Variants in PCDHGB5 observed in about 807,000 individuals in gnomAD.
PCDHGB5 encodes the protein protocadherin gamma-B5.
A neutral mutation model predicts 62.9 loss-of-function variants in PCDHGB5; 48 were observed. The observed-to-expected ratio is 0.76, with a 90% CI of 0.61 to 0.97. The LOEUF is 0.97. PCDHGB5 is among the 50% of genes least tolerant of loss of function. PCDHGB5 has a pLI of 0.00. For synonymous variants in PCDHGB5, 474 were observed against 511.2 expected (o/e 0.93, Z 0.98); for missense variants, 1,118 against 1,198.6 (o/e 0.93, Z 0.99).
At chr5:141,424,668 A>G (rs1561816018) in intron 1 of PCDHGB5, 1 of 152,196 alleles carries the variant, frequency 6.6e-6, no homozygotes, top group Non-Finnish European at 1.5e-5. Flanking sequence ...AATTAAACTG[A>G]TTTAGCTAGT....
intron 1 of PCDHGB5, among the ~76,000 whole-genome samples, chr5:141,494,218 T>C (rs1224329242): frequency 1.3e-5 from 2 of 152,222 alleles, no homozygotes; most frequent in South Asian, 2.1e-4. Context: ...CAATCTGGCA[T>C]GACTCCTAAA....
At chr5:141,475,813 T>C in intron 1 of PCDHGB5, 1 of 334,788 alleles carries the variant, frequency 3.0e-6, no homozygotes, top group East Asian at 5.5e-5. Flanking sequence ...GAAAGTGAAG[T>C]TCCTGGCGCT....
chr5:141,413,122 G>A, intron 1 of PCDHGB5: 1 of 1,525,890 alleles, frequency 6.6e-7, no homozygotes. Flanking sequence ...GGAACCGGTT[G>A]AAACACACAA....
chr5:141,470,147 T>A (rs1394329530), intron 1 of PCDHGB5, among the ~76,000 whole-genome samples: 1 of 152,172 alleles, frequency 6.6e-6, no homozygotes. Context: ...AGATCATAGA[T>A]CATCTTATCA....
At position 141,490,328 on chromosome 5, in the gene PCDHGB5, C is replaced by T; in HGVS notation, c.2398-4479C>T. 2 of 1,614,228 alleles carry T rather than the reference C, an allele frequency of 1.2e-6. No homozygotes were observed. Among genetic ancestry groups the T allele is most frequent in the Non-Finnish European group, 1.7e-6 (2 of 1,180,048 alleles). Reference sequence around the variant, plus strand: ...TTGGCCAACCCTGTCCTAGAGAGCACACCAGTGGGCACAGTAGTGGGGTTG... The same window carrying T: ...TTGGCCAACCCTGTCCTAGAGAGCATACCAGTGGGCACAGTAGTGGGGTTG... On this transcript the variant is annotated intron_variant, in intron 1 of 3. Coordinates refer to ENST00000617380, the MANE Select transcript of PCDHGB5 (RefSeq NM_018925.3). The surrounding 1 kb of genome is among the most constrained non-coding windows in gnomAD (Gnocchi z 5.4).
Position 141,399,562 on chromosome 5 carries a change from T to TTGAACGGCCAAGTCTCCTACTCTATCA in PCDHGB5, c.1438_1464dup (p.Asn480_Met488dup). 1 of 1,614,016 alleles carries TTGAACGGCCAAGTCTCCTACTCTATCA rather than the reference T, an allele frequency of 6.2e-7. No individual in the cohort carries two copies. The highest frequency in any genetic ancestry group is 8.5e-7 in the Non-Finnish European group (1 of 1,179,884). ...CTGCGCCTCGGACCTGGACTTGGGGTTGAACGGCCAAGTCTCCTACTCTAT... is the reference window on the plus strand; with the variant it reads ...CTGCGCCTCGGACCTGGACTTGGGGTTGAACGGCCAAGTCTCCTACTCTATCATGAACGGCCAAGTCTCCTACTCTAT... On this transcript the variant is annotated inframe_insertion, in exon 1 of 4. Transcript: ENST00000617380.
In PCDHGB5 at chr5:141,486,546, G is replaced by A. The variant is rs1156517969; in HGVS notation, c.2398-8261G>A. Reference sequence around the variant, plus strand: ...GATAATCCACCCTCTTTCTTTCAGAGGTCACATGAGGTGTTTGTTCCTGAG... The same window carrying A: ...GATAATCCACCCTCTTTCTTTCAGAAGTCACATGAGGTGTTTGTTCCTGAG... On this transcript the variant is annotated intron_variant, in intron 1 of 3. Coordinates refer to ENST00000617380, the MANE Select transcript of PCDHGB5 (RefSeq NM_018925.3). The surrounding 1 kb of genome is among the most constrained non-coding windows in gnomAD (Gnocchi z 5.0). 3 of 1,614,084 alleles carry A rather than the reference G, an allele frequency of 1.9e-6. No homozygotes were observed. The East Asian group carries it at 6.7e-5, about 36-fold the overall frequency.
At position 141,489,800 on chromosome 5, in the gene PCDHGB5, A is replaced by T. The variant is rs2099692478; in HGVS notation, c.2398-5007A>T. 1 of 1,614,166 alleles carries T rather than the reference A, an allele frequency of 6.2e-7. No homozygotes were observed. Among genetic ancestry groups the T allele is most frequent in the Non-Finnish European group, 8.5e-7 (1 of 1,179,994 alleles). On this transcript the variant is annotated intron_variant, in intron 1 of 3. Coordinates refer to ENST00000617380, the MANE Select transcript of PCDHGB5 (RefSeq NM_018925.3). This position sits in a 1 kb window ranked among gnomAD's most constrained non-coding sequence, Gnocchi z 4.5. ...TCTCTGAATGTGAAGACCCTAAAAG[A>T]TGGGAAGCCATTCCCAGAGCTGGTG...
chr5:141,446,623 TGC>T (rs1310809206), intron 1 of PCDHGB5, among the ~76,000 whole-genome samples: 1 of 152,014 alleles, frequency 6.6e-6, no homozygotes, highest in African/African-American at 2.4e-5. Flanking sequence ...ACTACAGGCG[TGC>T]ACCACCACGC....
chr5:141,490,419 G>C lies in PCDHGB5; in HGVS notation c.2398-4388G>C. The C allele has an allele frequency of 6.2e-7, 1 of 1,614,170 alleles. No homozygotes were observed. Among genetic ancestry groups the C allele is most frequent in the Non-Finnish European group, 8.5e-7 (1 of 1,180,020 alleles). ...TGAGCCTTGATATCTCTCCGGACCT[G>C]CCATTTCAGATTAAGCCTTCTGAGA... On this transcript the variant is annotated intron_variant, in intron 1 of 3. Transcript: ENST00000617380. The surrounding 1 kb of genome is among the most constrained non-coding windows in gnomAD (Gnocchi z 5.4).
chr5:141,494,701 C>G, intron 1 of PCDHGB5, 106 bp from the exon 2 acceptor site: 1 of 1,594,596 alleles, frequency 6.3e-7, no homozygotes, highest in Non-Finnish European at 8.6e-7. Context: ...CCGTTTTCTT[C>G]TCTGTGCCCA....
intron 2 of PCDHGB5, among the ~76,000 whole-genome samples, chr5:141,501,700 C>T (rs936448354): frequency 6.6e-6 from 1 of 151,950 alleles, no homozygotes; most frequent in African/African-American, 2.4e-5. Flanking sequence ...AGGGTGATTC[C>T]GAGGATAAAA....
At chr5:141,433,360 T>C (rs1313053553) in intron 1 of PCDHGB5, 46 of 298,056 alleles carry the variant, frequency 1.5e-4, no homozygotes, top group Non-Finnish European at 2.5e-4. Context: ...ACTGTCTGCC[T>C]ATCTATCTAT....
chr5:141,490,338 C>A lies in PCDHGB5; in HGVS notation c.2398-4469C>A, dbSNP rs1408559629. Reference sequence around the variant, plus strand: ...CTGTCCTAGAGAGCACACCAGTGGGCACAGTAGTGGGGTTGTTTAATGTGC... The same window carrying A: ...CTGTCCTAGAGAGCACACCAGTGGGAACAGTAGTGGGGTTGTTTAATGTGC... On this transcript the variant is annotated intron_variant, in intron 1 of 3. Coordinates refer to ENST00000617380, the MANE Select transcript of PCDHGB5 (RefSeq NM_018925.3). This position sits in a 1 kb window ranked among gnomAD's most constrained non-coding sequence, Gnocchi z 5.4. 6.2e-7 allele frequency: 1 copy of A among 1,614,184 alleles called. No homozygotes were observed. The highest frequency in any genetic ancestry group is 1.7e-5 in the Admixed American group (1 of 60,032).
chr5:141,458,553 T>G (rs987591790), intron 1 of PCDHGB5, among the ~76,000 whole-genome samples: 24 of 146,852 alleles, frequency 1.6e-4, no homozygotes, highest in Non-Finnish European at 2.5e-4. Flanking sequence ...TGTTTGTTTG[T>G]TTTGGTTTTG....
chr5:141,432,808 C>T lies in PCDHGB5; in HGVS notation c.2397+32284C>T, dbSNP rs1473886709. ...TCGGCAGCCTCGAGTCTCCAGCTAA[C>T]TCTGAAACCTCAGACCTCACTCTGT... On this transcript the variant is annotated intron_variant, in intron 1 of 3. Transcript: ENST00000617380. This position sits in a 1 kb window ranked among gnomAD's most constrained non-coding sequence, Gnocchi z 6.0. 6.2e-7 allele frequency: 1 copy of T among 1,613,486 alleles called. No homozygotes were observed. Among genetic ancestry groups the T allele is most frequent in the African/African-American group, 1.3e-5 (1 of 74,426 alleles).
At chr5:141,492,601 C>T (rs1374321466) in intron 1 of PCDHGB5, among the ~76,000 whole-genome samples, 2 of 152,220 alleles carry the variant, frequency 1.3e-5, no homozygotes, top group East Asian at 3.9e-4. Context: ...GGAGCGACTG[C>T]CGCTCTAAGT....
In PCDHGB5 at chr5:141,487,694, AC is replaced by A. The variant is rs1296386169; in HGVS notation, c.2398-7112del. On this transcript the variant is annotated intron_variant, in intron 1 of 3. Coordinates refer to ENST00000617380, the MANE Select transcript of PCDHGB5 (RefSeq NM_018925.3). The surrounding 1 kb of genome is among the most constrained non-coding windows in gnomAD (Gnocchi z 5.0). ...ATGGCTAGGCCATGTCCTAGAGAGT[AC>A]TGGCCTCTCAGTAAGTGCCCATAGT... is the stretch of plus-strand genomic sequence containing the variant. The A allele has an allele frequency of 6.2e-7, 1 of 1,602,048 alleles. No individual in the cohort carries two copies. The highest frequency in any genetic ancestry group is 2.2e-5 in the East Asian group (1 of 44,642).
Position 141,431,062 on chromosome 5 carries a change from G to C in PCDHGB5, c.2397+30538G>C, listed in dbSNP as rs2097341170. On this transcript the variant is annotated intron_variant, in intron 1 of 3. Coordinates refer to ENST00000617380, the MANE Select transcript of PCDHGB5 (RefSeq NM_018925.3). This position sits in a 1 kb window ranked among gnomAD's most constrained non-coding sequence, Gnocchi z 4.8. ...AGGAGCTCTGTATGGGGGCCATCAA[G>C]TGTCAATTAAATCTAGACATTCTGA... 6.2e-7 allele frequency: 1 copy of C among 1,614,212 alleles called. No individual in the cohort carries two copies. The highest frequency in any genetic ancestry group is 1.3e-5 in the African/African-American group (1 of 75,084).
Sources: allele counts gnomAD v4.1 joint callset (sites outside exome capture counted in the v4.1 genomes callset), GRCh38; gene constraint gnomAD v4.1.1; non-coding constraint Gnocchi (gnomAD v3.1); transcripts MANE v1.5; gene names NCBI Gene and HGNC (gene_info 2026-07-23, HGNC 2026-07-21).